The following SPATS2 variants were observed in gnomAD, a reference collection of about 807,000 sequenced individuals.
The protein encoded by SPATS2 is spermatogenesis associated serine rich 2, also known as spermatogenesis-associated serine-rich protein 2.
A neutral mutation model predicts 63.7 loss-of-function variants in SPATS2; 38 were observed. The observed-to-expected ratio is 0.60, with a 90% CI of 0.46 to 0.78. The LOEUF is 0.78. Among genes scored for constraint, SPATS2 ranks in the 30% least tolerant of loss-of-function variants. The pLI is 0.00. For missense variants in SPATS2, 588 were observed against 666.2 expected (o/e 0.88, Z 1.29); for synonymous variants, 207 against 232.9 (o/e 0.89, Z 1.01).
intron 9 of SPATS2, among the ~76,000 whole-genome samples, chr12:49,510,546 CAGTG>C (rs1167247264): frequency 7.5e-6 from 1 of 133,640 alleles, no homozygotes; most frequent in African/African-American, 3.1e-5. Flanking sequence ...GCCTGGGCGA[CAGTG>C]AGACCCTGTC....
intron 2 of SPATS2, among the ~76,000 whole-genome samples, chr12:49,415,706 C>A (rs1195029402): frequency 6.6e-6 from 1 of 152,128 alleles, no homozygotes; most frequent in Non-Finnish European, 1.5e-5. Flanking sequence ...AAGCCAGGGG[C>A]CTGCAACCTT....
intron 2 of SPATS2, among the ~76,000 whole-genome samples, chr12:49,416,471 T>TTTTTA (rs141815202): frequency 0.052 from 7,780 of 150,876 alleles, 401 homozygotes; most frequent in African/African-American, 0.12. Context: ...TTTTATCACC[T>TTTTTA]TTTTATTTTA....
At chr12:49,466,676 C>T (rs528000135) in intron 3 of SPATS2, among the ~76,000 whole-genome samples, 28 of 152,264 alleles carry the variant, frequency 1.8e-4, no homozygotes, top group South Asian at 1.5e-3. Context: ...TATGCTAGTA[C>T]ACTGTATTGA....
intron 2 of SPATS2, among the ~76,000 whole-genome samples, chr12:49,434,111 GCT>G (rs998376993): frequency 6.6e-6 from 1 of 151,980 alleles, no homozygotes; most frequent in Non-Finnish European, 1.5e-5. Context: ...TTATTTCTGG[GCT>G]CTCTATTCTA....
At chr12:49,522,726 A>G (rs534924563) in intron 11 of SPATS2, 25 bp from the exon 12 acceptor site, 1 of 1,585,826 alleles carries the variant, frequency 6.3e-7, no homozygotes, top group South Asian at 1.1e-5. Flanking sequence ...TCTAACCTGG[A>G]GGCCTTTCTT....
intron 1 of SPATS2, among the ~76,000 whole-genome samples, chr12:49,370,885 G>A (rs544580506): frequency 2.2e-4 from 33 of 151,960 alleles, no homozygotes; most frequent in Non-Finnish European, 3.7e-4. Flanking sequence ...GTTAACTTTT[G>A]TATTTTTTTG....
chr12:49,426,737 GT>G (rs1478553190), intron 2 of SPATS2, among the ~76,000 whole-genome samples: 4 of 152,098 alleles, frequency 2.6e-5, no homozygotes, highest in African/African-American at 9.7e-5. Flanking sequence ...TACAGACGGG[GT>G]TTCACTGTGT....
chr12:49,446,932 C>CT (rs568526407), intron 2 of SPATS2, among the ~76,000 whole-genome samples: 12,887 of 142,818 alleles, frequency 0.09, 1,062 homozygotes, highest in African/African-American at 0.22. Context: ...CTTTTCTTTT[C>CT]TTTTTTTTTT....
intron 2 of SPATS2, among the ~76,000 whole-genome samples, chr12:49,378,201 G>A (rs1375409355): frequency 6.6e-6 from 1 of 152,050 alleles, no homozygotes; most frequent in African/African-American, 2.4e-5. Flanking sequence ...TCAAACTCCT[G>A]ACCTGATGAT....
At chr12:49,415,121 G>C (rs935811840) in intron 2 of SPATS2, among the ~76,000 whole-genome samples, 3 of 151,080 alleles carry the variant, frequency 2.0e-5, no homozygotes, top group African/African-American at 7.3e-5. Context: ...TAGTAGAGAT[G>C]GGGTTTCACC....
intron 2 of SPATS2, among the ~76,000 whole-genome samples, chr12:49,439,316 G>A (rs1396866919): frequency 6.6e-6 from 1 of 152,154 alleles, no homozygotes; most frequent in African/African-American, 2.4e-5. Flanking sequence ...GTCATGGGGA[G>A]CACTGAAGGG....
intron 2 of SPATS2, among the ~76,000 whole-genome samples, chr12:49,372,755 T>A (rs1246699559): frequency 6.6e-6 from 1 of 152,142 alleles, no homozygotes; most frequent in African/African-American, 2.4e-5. Flanking sequence ...ATGCTTTAAA[T>A]ATTTCGAGCG....
chr12:49,494,992 G>A lies in SPATS2; in HGVS notation c.516G>A (p.Leu172=). 1 of 1,600,490 alleles carries A rather than the reference G, an allele frequency of 6.2e-7. No individual in the cohort carries two copies. Among genetic ancestry groups the A allele is most frequent in the African/African-American group, 1.3e-5 (1 of 74,588 alleles). ...EDPESAMLDT[L]DRTGSMLQNG... is the part of the protein sequence containing the mutation. ...CCGAGTCTGCCATGCTAGATACGCTGGATAGAACAGGTGAGTTTATTAACA... is the reference window on the plus strand; with the variant it reads ...CCGAGTCTGCCATGCTAGATACGCTAGATAGAACAGGTGAGTTTATTAACA... Residue 172 remains leucine, a synonymous_variant, in exon 7 of 14, where the codon CTG becomes CTA. Coordinates refer to ENST00000552918, the MANE Select transcript of SPATS2 (RefSeq NM_023071.4).
intron 2 of SPATS2, among the ~76,000 whole-genome samples, chr12:49,404,790 A>G (rs774700733): frequency 1.3e-4 from 20 of 152,188 alleles, no homozygotes; most frequent in Non-Finnish European, 2.4e-4. Flanking sequence ...AGGGGTTGGT[A>G]AACTACTGTT....
intron 2 of SPATS2, among the ~76,000 whole-genome samples, chr12:49,371,829 C>T (rs1373945953): frequency 6.6e-6 from 1 of 152,070 alleles, no homozygotes; most frequent in African/African-American, 2.4e-5. Flanking sequence ...CTAACCCATT[C>T]ATGAGAAACC....
At chr12:49,476,696 G>A (rs1008943692) in intron 3 of SPATS2, among the ~76,000 whole-genome samples, 1 of 152,184 alleles carries the variant, frequency 6.6e-6, no homozygotes. Context: ...CCCTGTGAGG[G>A]GGACAAGGGA....
rs778241907 is a variant in SPATS2, at chr12:49,526,167, T to C, written c.1550T>C (p.Met517Thr). The C allele has an allele frequency of 4.3e-6, 7 of 1,614,202 alleles. No individual in the cohort carries two copies. Among genetic ancestry groups the C allele is most frequent in the Non-Finnish European group, 5.9e-6 (7 of 1,180,030 alleles). Residue 517 changes from methionine (M) to threonine (T), a missense_variant, in exon 14 of 14, where the codon ATG (methionine) becomes ACG (threonine). Transcript: ENST00000552918. ...GGGACCAATGGAACTGGAGTCAGCA[T>C]GGAGCCCAGCCCTCCCACGCCTTCA... The part of the protein sequence containing the change: ...SAGTNGTGVS[M>T]EPSPPTPSFK...
intron 8 of SPATS2, among the ~76,000 whole-genome samples, chr12:49,499,556 C>T (rs539648969): frequency 2.6e-5 from 4 of 152,074 alleles, no homozygotes; most frequent in South Asian, 2.1e-4. Context: ...TGTGGATCTC[C>T]GTGCAGCTCT....
At chr12:49,519,901 A>C (rs1214747698) in intron 11 of SPATS2, among the ~76,000 whole-genome samples, 2 of 138,480 alleles carry the variant, frequency 1.4e-5, no homozygotes, top group Non-Finnish European at 3.1e-5. Flanking sequence ...TGCATCCTCC[A>C]CCTCCTAGGT....
Sources: allele counts gnomAD v4.1 joint callset (sites outside exome capture counted in the v4.1 genomes callset), GRCh38; gene constraint gnomAD v4.1.1; transcripts MANE v1.5; gene names NCBI Gene and HGNC (gene_info 2026-07-23, HGNC 2026-07-21).